The following CERKL variants were observed in gnomAD, a reference collection of about 807,000 sequenced individuals.
CERKL encodes the protein CERK like autophagy regulator, also known as ceramide kinase-like protein.
Under a neutral mutation model 63.4 loss-of-function variants are expected in CERKL, and 61 were observed. That is an observed-to-expected ratio of 0.96 (90% CI 0.78 to 1.19). CERKL has a LOEUF of 1.19. CERKL is among the 50% of genes most tolerant of loss of function. CERKL has a pLI of 0.00. For missense variants in CERKL, 675 were observed against 655.5 expected (o/e 1.03, Z -0.33); for synonymous variants, 250 against 230.5 (o/e 1.08, Z -0.77).
intron 1 of CERKL, among the ~76,000 whole-genome samples, chr2:181,621,526 C>T (rs1026400725): frequency 6.6e-6 from 1 of 152,174 alleles, no homozygotes; most frequent in Non-Finnish European, 1.5e-5. Flanking sequence ...TATACCTTGG[C>T]AGTCTACATA....
intron 2 of CERKL, among the ~76,000 whole-genome samples, chr2:181,603,399 T>G (rs981464541): frequency 6.6e-6 from 1 of 152,234 alleles, no homozygotes; most frequent in African/African-American, 2.4e-5. Context: ...AGTTACTTCC[T>G]AACTCATTCT....
In CERKL at chr2:181,550,283, T is replaced by C. The variant is rs1047098967; in HGVS notation, c.821-575A>G. ...CATTGAAGAAAATGTTTAATTCAATTGTATTTCCCATGTATGAAGATTTGT... is the reference window on the plus strand; with the variant it reads ...CATTGAAGAAAATGTTTAATTCAATCGTATTTCCCATGTATGAAGATTTGT... On this transcript the variant is annotated intron_variant, in intron 5 of 12. Coordinates refer to ENST00000410087, the MANE Select transcript of CERKL (RefSeq NM_201548.5). The surrounding 1 kb of genome is among the most constrained non-coding windows in gnomAD (Gnocchi z 4.5). Among the ~76,000 whole-genome samples, 2 of 152,196 alleles carry C rather than the reference T, an allele frequency of 1.3e-5. No homozygotes were observed. Among genetic ancestry groups the C allele is most frequent in the African/African-American group, 4.8e-5 (2 of 41,470 alleles).
chr2:181,612,386 C>T (rs1327308907), intron 1 of CERKL, among the ~76,000 whole-genome samples: 1 of 152,048 alleles, frequency 6.6e-6, no homozygotes, highest in African/African-American at 2.4e-5. Context: ...ACAGAATTTT[C>T]CCACTATTAT....
chr2:181,556,117 C>T (rs1251914775), intron 5 of CERKL, among the ~76,000 whole-genome samples: 1 of 151,958 alleles, frequency 6.6e-6, no homozygotes, highest in East Asian at 1.9e-4. Flanking sequence ...AAGTCAAGTA[C>T]CAAACTGAAA....
intron 1 of CERKL, chr2:181,650,224 T>G (rs1479751234): frequency 6.6e-6 from 1 of 151,954 alleles, no homozygotes; most frequent in Non-Finnish European, 1.5e-5. Flanking sequence ...AACTGACAAC[T>G]TCACAAATCA....
intron 2 of CERKL, among the ~76,000 whole-genome samples, chr2:181,593,171 T>C (rs1005162978): frequency 6.6e-6 from 1 of 152,170 alleles, no homozygotes; most frequent in African/African-American, 2.4e-5. Context: ...AAGTAAGTGG[T>C]AAAGCTAGGG....
intron 11 of CERKL, among the ~76,000 whole-genome samples, 187 bp downstream of exon 11, chr2:181,544,513 C>A (rs1687640133): frequency 6.6e-6 from 1 of 152,016 alleles, no homozygotes; most frequent in African/African-American, 2.4e-5. Flanking sequence ...CAAAAAAGGC[C>A]AATCTATATT....
chr2:181,652,924 G>A (rs1380927761), intron 1 of CERKL, among the ~76,000 whole-genome samples: 1 of 152,060 alleles, frequency 6.6e-6, no homozygotes, highest in African/African-American at 2.4e-5. Context: ...ACAGGCATGT[G>A]CCACCACACC....
At chr2:181,569,736 C>T (rs144464635) in intron 3 of CERKL, among the ~76,000 whole-genome samples, 4 of 152,212 alleles carry the variant, frequency 2.6e-5, no homozygotes, top group Non-Finnish European at 5.9e-5. Context: ...ATGGAAGTAC[C>T]TATCGTGAAC....
chr2:181,656,477 A>G (rs537616959), intron 1 of CERKL, among the ~76,000 whole-genome samples: 1 of 151,908 alleles, frequency 6.6e-6, no homozygotes, highest in Non-Finnish European at 1.5e-5. Context: ...TGAGACTCTG[A>G]GCAAAAGCTG....
At chr2:181,587,936 G>A (rs773629132) in intron 2 of CERKL, among the ~76,000 whole-genome samples, 4 of 152,124 alleles carry the variant, frequency 2.6e-5, no homozygotes, top group South Asian at 2.1e-4. Flanking sequence ...ATAAAGAGTC[G>A]TGAAAAGACT....
In CERKL at chr2:181,547,844, C is replaced by A; in HGVS notation, c.1137G>T (p.Arg379Ser). The change falls in exon 9 of 13, where the codon AGG becomes AGT. Residue 379 changes from arginine to serine, a missense_variant. Transcript: ENST00000410087. ...CACCAGATTTGGGAGATCCCTGTGC[C>A]CTCCTAAAAGAAAGAAAACAAAACA... is the stretch of plus-strand genomic sequence containing the variant. Reference protein sequence around the residue: ...FNSSDDVQERRAQGSPKSDCN... With the variant: ...FNSSDDVQERSAQGSPKSDCN... 1 of 1,613,712 alleles carries A rather than the reference C, an allele frequency of 6.2e-7. No individual in the cohort carries two copies. Among genetic ancestry groups the A allele is most frequent in the Non-Finnish European group, 8.5e-7 (1 of 1,179,950 alleles).
intron 2 of CERKL, among the ~76,000 whole-genome samples, chr2:181,583,747 A>G (rs761495282): frequency 6.6e-5 from 10 of 152,256 alleles, no homozygotes; most frequent in Non-Finnish European, 1.2e-4. Context: ...AGTCTCTTCC[A>G]TAAGTCAATG....
At chr2:181,640,010 T>C (rs771198127) in intron 1 of CERKL, among the ~76,000 whole-genome samples, 2 of 152,152 alleles carry the variant, frequency 1.3e-5, no homozygotes, top group Non-Finnish European at 2.9e-5. Context: ...GCTGGTACAT[T>C]ATTTTAGACT....
At chr2:181,601,487 G>A (rs917733133) in intron 2 of CERKL, among the ~76,000 whole-genome samples, 25 of 151,952 alleles carry the variant, frequency 1.6e-4, no homozygotes, top group African/African-American at 3.9e-4. Flanking sequence ...GCTCAAACCC[G>A]GGAGGCAAAG....
chr2:181,603,788 T>C (rs1409171000), intron 2 of CERKL, 49 bp downstream of exon 2: 8 of 1,575,068 alleles, frequency 5.1e-6, no homozygotes, highest in Non-Finnish European at 7.0e-6. Context: ...ATTAATCATG[T>C]ATATCAAGGA....
rs1011761234 is a variant in CERKL at position 181,638,688 on chromosome 2, A to C, written c.238+18081T>G. On this transcript the variant is annotated intron_variant, in intron 1 of 12. Coordinates refer to ENST00000410087, the MANE Select transcript of CERKL (RefSeq NM_201548.5). ...GATTCGTACCCTCAAGCTCCACCTC[A>C]ACTTCAGAGGAGTTGAGGTCCTACA... Among the ~76,000 whole-genome samples the C allele has an allele frequency of 7.5e-4, 114 of 152,296 alleles. 1 individual carries two copies. The highest frequency in any genetic ancestry group is 2.7e-3 in the African/African-American group (112 of 41,566).
Position 181,549,665 on chromosome 2 carries a change from A to G in CERKL, c.864T>C (p.His288=), listed in dbSNP as rs140777292. 6.2e-7 allele frequency: 1 copy of G among 1,612,452 alleles called. No homozygotes were observed. The highest frequency in any genetic ancestry group is 8.5e-7 in the Non-Finnish European group (1 of 1,178,732). The change falls in exon 6 of 13, where the codon CAT becomes CAC. Residue 288 remains histidine (H), a synonymous_variant. Transcript: ENST00000410087. ...TAATGTGCAATGTTGCAGTTATCAC[A>G]TGAGGAACTCCATGAAGAGAATGTG... The part of the protein sequence containing the change: ...VLAHSLHGVP[H]VITATLHIIM...
At chr2:181,636,011 A>C (rs1232148199) in intron 1 of CERKL, among the ~76,000 whole-genome samples, 1 of 152,178 alleles carries the variant, frequency 6.6e-6, no homozygotes, top group Non-Finnish European at 1.5e-5. Context: ...CAGGATACAC[A>C]AGGAAAGAGC....
Sources: gnomAD v4.1 joint callset for allele counts (sites outside exome capture counted in the v4.1 genomes callset) on GRCh38, gnomAD v4.1.1 for gene constraint, Gnocchi (gnomAD v3.1) non-coding constraint, MANE v1.5 for transcripts, NCBI Gene and HGNC (gene_info 2026-07-23, HGNC 2026-07-21) for gene names.